MAF: variants seen among roughly 807,000 people sequenced by gnomAD.
MAF encodes MAF bZIP transcription factor.
A neutral mutation model predicts 22.0 loss-of-function variants in MAF; 10 were observed. The ratio of observed to expected loss-of-function variants is 0.45; its 90% confidence interval spans 0.28 to 0.77. The LOEUF (loss-of-function observed/expected upper bound fraction) is 0.77, where lower values mean the gene tolerates loss of function less well. MAF is among the 30% of genes least tolerant of loss of function. The pLI is 0.12. For missense variants in MAF, 544 were observed against 548.4 expected (o/e 0.99, Z 0.08); for synonymous variants, 337 against 255.8 (o/e 1.32, Z -3.03).
chr16:79,472,071 T>C, the MAF span, among the ~76,000 whole-genome samples: 2 of 152,150 alleles, frequency 1.3e-5, no homozygotes, highest in Non-Finnish European at 2.9e-5. Flanking sequence ...TTCCCTCTCT[T>C]TCCTTTGCTC....
chr16:79,571,145 C>T, the MAF span, among the ~76,000 whole-genome samples: 1 of 151,914 alleles, frequency 6.6e-6, no homozygotes, highest in East Asian at 1.9e-4. Flanking sequence ...TTGCTACATC[C>T]AAGACTGTCT....
the MAF span, among the ~76,000 whole-genome samples, chr16:79,408,616 C>CTTCA: frequency 6.6e-6 from 1 of 151,496 alleles, no homozygotes; most frequent in South Asian, 2.1e-4. Flanking sequence ...GCCTTCCTTC[C>CTTCA]TTTCTTCCTT....
At chr16:79,537,800 T>G in the MAF span, among the ~76,000 whole-genome samples, 2 of 152,154 alleles carry the variant, frequency 1.3e-5, no homozygotes, top group Non-Finnish European at 2.9e-5. Context: ...AGGTCACAGA[T>G]AGAATGTGAA....
At chr16:79,568,866 G>A in the MAF span, among the ~76,000 whole-genome samples, 6 of 152,268 alleles carry the variant, frequency 3.9e-5, no homozygotes, top group East Asian at 3.9e-4. Context: ...GGGGCTTTAC[G>A]TAGATTATCT....
chr16:79,385,663 G>C, the MAF span, among the ~76,000 whole-genome samples: 5,979 of 152,280 alleles, frequency 0.039, 394 homozygotes, highest in African/African-American at 0.14. Context: ...CACTTTGGGA[G>C]GCTGCGGCAG....
chr16:79,252,942 C>T, the MAF span, among the ~76,000 whole-genome samples: 1 of 152,168 alleles, frequency 6.6e-6, no homozygotes, highest in Non-Finnish European at 1.5e-5. Flanking sequence ...CTTTCCTCTC[C>T]ATTTTTCTGT....
At chr16:79,511,241 C>T in the MAF span, among the ~76,000 whole-genome samples, 5 of 151,130 alleles carry the variant, frequency 3.3e-5, no homozygotes, top group Admixed American at 6.6e-5. Context: ...AAGGAGTTTC[C>T]TTTTCAAAAA....
At chr16:79,231,621 G>T in the MAF span, among the ~76,000 whole-genome samples, 1 of 151,938 alleles carries the variant, frequency 6.6e-6, no homozygotes, top group Non-Finnish European at 1.5e-5. Flanking sequence ...TTCTTATGTT[G>T]CAAAAAGAAG....
At chr16:79,349,716 T>C in the MAF span, among the ~76,000 whole-genome samples, 1 of 152,212 alleles carries the variant, frequency 6.6e-6, no homozygotes, top group Non-Finnish European at 1.5e-5. Flanking sequence ...TTTAAAACTC[T>C]CTCTTGCTTT....
At chr16:79,268,248 C>T in the MAF span, among the ~76,000 whole-genome samples, 1 of 152,142 alleles carries the variant, frequency 6.6e-6, no homozygotes, top group Admixed American at 6.5e-5. Flanking sequence ...TTGTGCGTAA[C>T]TGTACCCATA....
At chr16:79,292,809 C>G in the MAF span, among the ~76,000 whole-genome samples, 4 of 152,172 alleles carry the variant, frequency 2.6e-5, no homozygotes, top group African/African-American at 7.2e-5. Flanking sequence ...AACCTCTGGT[C>G]GTCCTCACTG....
intron 1 of MAF, chr16:79,596,573 G>A: frequency 9.5e-7 from 1 of 1,047,622 alleles, no homozygotes; most frequent in Non-Finnish European, 1.2e-6. Context: ...CAACACGCGT[G>A]GTTAGTTAGT....
chr16:79,375,062 T>G, the MAF span, among the ~76,000 whole-genome samples: 1 of 152,100 alleles, frequency 6.6e-6, no homozygotes, highest in African/African-American at 2.4e-5. Context: ...TGAGATGGAG[T>G]AAGTTCTTGG....
chr16:79,452,953 A>T, the MAF span, among the ~76,000 whole-genome samples: 1 of 152,356 alleles, frequency 6.6e-6, no homozygotes, highest in Non-Finnish European at 1.5e-5. Flanking sequence ...TTAATTTTGC[A>T]TTAAGCCTTT....
chr16:79,548,308 G>GT, the MAF span, among the ~76,000 whole-genome samples: 1 of 151,840 alleles, frequency 6.6e-6, no homozygotes, highest in Non-Finnish European at 1.5e-5. Flanking sequence ...TTTTTCATTA[G>GT]TTTTTTTAAA....
chr16:79,362,234 A>G, the MAF span, among the ~76,000 whole-genome samples: 1 of 152,170 alleles, frequency 6.6e-6, no homozygotes, highest in Non-Finnish European at 1.5e-5. Flanking sequence ...CAGTGCACAT[A>G]AATATTGTTT....
At chr16:79,584,422 G>A (rs1250823222), downstream of MAF, among the ~76,000 whole-genome samples, 1 of 152,134 alleles carries the variant, frequency 6.6e-6, no homozygotes, top group African/African-American at 2.4e-5. Context: ...TTCCCCATCT[G>A]ACCAAATGCC....
the MAF span, among the ~76,000 whole-genome samples, chr16:79,242,295 A>G: frequency 0.072 from 10,862 of 151,554 alleles, 568 homozygotes; most frequent in Middle Eastern, 0.14. Context: ...CAGGAGACCC[A>G]TCTCATGTGC....
the MAF span, among the ~76,000 whole-genome samples, chr16:79,525,118 T>C: frequency 6.6e-6 from 1 of 151,370 alleles, no homozygotes; most frequent in Non-Finnish European, 1.5e-5. Context: ...GATTTAACGC[T>C]TTTTTTTTCC....
Sources: allele counts gnomAD v4.1 joint callset (sites outside exome capture counted in the v4.1 genomes callset), GRCh38; gene constraint gnomAD v4.1.1; transcripts MANE v1.5; gene names NCBI Gene and HGNC (gene_info 2026-07-23, HGNC 2026-07-21).